WDR36: variants seen among roughly 807,000 people sequenced by gnomAD.
The protein encoded by WDR36 is WD repeat-containing protein 36.
WDR36 carries 63 observed loss-of-function variants against 112.7 expected under a neutral mutation model. The observed-to-expected ratio is 0.56, with a 90% CI of 0.46 to 0.69. The LOEUF is 0.69. Among genes scored for constraint, WDR36 ranks in the 30% least tolerant of loss-of-function variants. WDR36 has a pLI of 0.00. For synonymous variants in WDR36, 410 were observed against 362.2 expected, an observed-to-expected ratio of 1.13 and a Z score of -1.50; for missense variants, 1,226 against 1,070.3, an observed-to-expected ratio of 1.15 and a Z score of -2.03.
chr5:111,120,641 C>G, intron 18 of WDR36, 48 bp downstream of exon 18: 1 of 1,477,478 alleles, frequency 6.8e-7, no homozygotes, highest in Non-Finnish European at 9.5e-7. Flanking sequence ...TATTATAAAC[C>G]TAATGTAGGA....
In WDR36 at chr5:111,120,005, G is replaced by A. The variant is rs369558895; in HGVS notation, c.1905-491G>A. On this transcript the variant is annotated intron_variant, in intron 17 of 22. Coordinates refer to ENST00000513710, the MANE Select transcript of WDR36 (RefSeq NM_139281.3). ...AAAAGAACCTGTCCCCTAAAAGACC[G>A]GTATCTACATCTTGATTAGTCATCC... Among the ~76,000 whole-genome samples the A allele has an allele frequency of 5.3e-5, 8 of 152,134 alleles. 1 individual carries two copies. Among genetic ancestry groups the A allele is most frequent in the East Asian group, 1.9e-4 (1 of 5,180 alleles).
rs1753555669 is a variant in WDR36 at position 111,121,064 on chromosome 5, T to C, written c.2071T>C (p.Leu691=). 1.2e-6 allele frequency: 2 copies of C among 1,613,596 alleles called. No homozygotes were observed. Among genetic ancestry groups the C allele is most frequent in the South Asian group, 1.1e-5 (1 of 91,062 alleles). Residue 691 remains leucine, a synonymous_variant, in exon 19 of 23, where the codon TTG becomes CTG. Transcript: ENST00000513710. ...ELIEYDSPEQ[L]NEQLVTLSLL... is the part of the protein sequence containing the mutation. ...GATAGAATATGATTCGCCAGAACAG[T>C]TGAATGAGCAATTGGTGACTCTTTC... is the stretch of plus-strand genomic sequence containing the variant.
At chr5:111,101,480 A>G (rs1753118801) in intron 5 of WDR36, among the ~76,000 whole-genome samples, 1 of 151,892 alleles carries the variant, frequency 6.6e-6, no homozygotes, top group South Asian at 2.1e-4. Flanking sequence ...TTTTAGGGTT[A>G]AAAGTACTTC....
chr5:111,104,480 G>A (rs1471203756), intron 8 of WDR36, 128 bp downstream of exon 8: 9 of 1,448,374 alleles, frequency 6.2e-6, no homozygotes, highest in African/African-American at 1.4e-5. Context: ...TATTGGTATA[G>A]ATGAAACAAA....
In WDR36 at chr5:111,092,606, C is replaced by T; in HGVS notation, c.150C>T (p.Phe50=). Residue 50 remains phenylalanine (F), a synonymous_variant, in exon 1 of 23, where the codon TTC becomes TTT. Transcript: ENST00000513710. ...TAACAACCTGCGTGGGCAAGAGTTT[C>T]CACACCTATGACGTGAGTGACTTCT... ...FYVTTCVGKS[F]HTYDVQKLSL... 1 of 1,613,468 alleles carries T rather than the reference C, an allele frequency of 6.2e-7. No homozygotes were observed. Among genetic ancestry groups the T allele is most frequent in the South Asian group, 1.1e-5 (1 of 91,028 alleles).
rs200556973 is a variant in WDR36 at position 111,113,050 on chromosome 5, A to ATTTTT, written c.1717-23_1717-22insTTTTT. On this transcript the variant is annotated intron_variant, in intron 15 of 22. Transcript: ENST00000513710. ...ATATATAAATAATATATATATATATATATTTTTTTTTTTTAATTTAAAGGC... is the reference window on the plus strand; with the variant it reads ...ATATATAAATAATATATATATATATATTTTTTATTTTTTTTTTTTAATTTAAAGGC... The ATTTTT allele has an allele frequency of 7.1e-5, 33 of 467,266 alleles. No homozygotes were observed. In the Admixed American group the frequency reaches 1.2e-3, roughly 17 times the overall value. The allele number at this position is 467,266 out of a possible 1,614,324, so 28.9% of individuals were successfully genotyped here.
intron 16 of WDR36, among the ~76,000 whole-genome samples, chr5:111,116,466 A>G (rs1378730423): frequency 1.3e-5 from 2 of 152,210 alleles, no homozygotes; most frequent in African/African-American, 2.4e-5. Flanking sequence ...GAAATAGAAC[A>G]TATGGAAGCA....
chr5:111,098,926 G>T, intron 4 of WDR36, 87 bp downstream of exon 4: 1 of 971,318 alleles, frequency 1.0e-6, no homozygotes, highest in Non-Finnish European at 1.6e-6. Context: ...CTATGCCAGA[G>T]ATTTTGCCTG....
intron 16 of WDR36, among the ~76,000 whole-genome samples, chr5:111,113,759 G>A (rs1753397007): frequency 6.6e-6 from 1 of 152,100 alleles, no homozygotes; most frequent in Non-Finnish European, 1.5e-5. Context: ...ACTCTGAAGA[G>A]TCCCAAGGTG....
Position 111,129,674 on chromosome 5 carries a change from C to G in WDR36, c.*2791C>G, listed in dbSNP as rs1234249629. ...ATTTGGCTTTAATTTTACATGGTGT[C>G]TGTTTAAATAAATGTTTTATATTTG... On this transcript the variant is annotated 3_prime_UTR_variant, in exon 23 of 23. Coordinates refer to ENST00000513710, the MANE Select transcript of WDR36 (RefSeq NM_139281.3). 2.0e-5 allele frequency: 4 copies of G among 202,702 alleles called. No homozygotes were observed. Among genetic ancestry groups the G allele is most frequent in the African/African-American group, 9.2e-5 (4 of 43,588 alleles). The allele number at this position is 202,702 out of a possible 1,614,324, so 12.6% of individuals were successfully genotyped here.
chr5:111,115,948 A>AT (rs929510822), intron 16 of WDR36, among the ~76,000 whole-genome samples: 13 of 149,356 alleles, frequency 8.7e-5, no homozygotes, highest in South Asian at 2.1e-4. Flanking sequence ...ATTCTTTCTT[A>AT]TTTTTTTTTT....
At chr5:111,097,531 A>G (rs1271885045) in intron 3 of WDR36, among the ~76,000 whole-genome samples, 4 of 152,228 alleles carry the variant, frequency 2.6e-5, no homozygotes, top group Non-Finnish European at 4.4e-5. Context: ...ACTTTCCTAG[A>G]AAATTCATAT....
intron 4 of WDR36, among the ~76,000 whole-genome samples, chr5:111,099,475 T>TTTTTTTTTTTTTTTTTG (rs1753073740): frequency 7.3e-6 from 1 of 136,216 alleles, no homozygotes; most frequent in African/African-American, 2.7e-5. Flanking sequence ...TTTTTTTTTT[T>TTTTTTTTTTTTTTTTTG]TTTTTTTTTC....
chr5:111,126,310 AG>A (rs1753677751), intron 22 of WDR36, among the ~76,000 whole-genome samples: 1 of 152,158 alleles, frequency 6.6e-6, no homozygotes, highest in East Asian at 1.9e-4. Context: ...TTTGACAATA[AG>A]ACTGTTACTT....
intron 19 of WDR36, among the ~76,000 whole-genome samples, chr5:111,121,942 GT>G (rs1753575771): frequency 6.6e-6 from 1 of 152,150 alleles, no homozygotes; most frequent in Non-Finnish European, 1.5e-5. Context: ...ATGGGCTGTG[GT>G]AAAAAGTTTA....
intron 22 of WDR36, 66 bp downstream of exon 22, chr5:111,125,861 C>G (rs752252164): frequency 7.6e-5 from 120 of 1,572,632 alleles, no homozygotes; most frequent in Non-Finnish European, 1.0e-4. Context: ...TCTAACAGAA[C>G]TTTCTGCAAA....
intron 1 of WDR36, among the ~76,000 whole-genome samples, chr5:111,094,212 C>T (rs1460175707): frequency 6.6e-6 from 1 of 152,178 alleles, no homozygotes; most frequent in Admixed American, 6.5e-5. Context: ...TAGTAGCTAT[C>T]ATGTATTGAG....
chr5:111,125,005 A>G (rs1753649244), intron 21 of WDR36, among the ~76,000 whole-genome samples: 1 of 152,216 alleles, frequency 6.6e-6, no homozygotes, highest in South Asian at 2.1e-4. Context: ...ATGACTCATA[A>G]AAATAGCTGT....
intron 1 of WDR36, among the ~76,000 whole-genome samples, chr5:111,094,022 G>A (rs1368770201): frequency 7.2e-6 from 1 of 139,362 alleles, no homozygotes; most frequent in Non-Finnish European, 1.7e-5. Context: ...AAAATACTTG[G>A]GAGTAAAAAG....
Sources: gnomAD v4.1 joint callset for allele counts (sites outside exome capture counted in the v4.1 genomes callset) on GRCh38, gnomAD v4.1.1 for gene constraint, MANE v1.5 for transcripts, NCBI Gene and HGNC (gene_info 2026-07-23, HGNC 2026-07-21) for gene names.